TMEM266: variants seen among roughly 807,000 people sequenced by gnomAD.
The protein encoded by TMEM266 is Hv1 related protein 1.
A neutral mutation model predicts 50.5 loss-of-function variants in TMEM266; 33 were observed. That is an observed-to-expected ratio of 0.65 (90% CI 0.50 to 0.87). The LOEUF (loss-of-function observed/expected upper bound fraction) is 0.87, where lower values mean the gene tolerates loss of function less well. Ranked by LOEUF, TMEM266 falls within the 40% of genes least tolerant of loss-of-function variation. The pLI, the probability that TMEM266 is intolerant of heterozygous loss-of-function variation, is 0.00. For synonymous variants in TMEM266, 310 were observed against 292.3 expected, an observed-to-expected ratio of 1.06 and a Z score of -0.62; for missense variants, 655 against 695.1, an observed-to-expected ratio of 0.94 and a Z score of 0.65.
intron 7 of TMEM266, among the ~76,000 whole-genome samples, chr15:76,172,934 T>G (rs1445818894): frequency 1.3e-5 from 2 of 151,500 alleles, no homozygotes; most frequent in Middle Eastern, 3.2e-3. Context: ...ACCCTCACAC[T>G]AATGGATTTT....
chr15:76,152,274 G>C (rs1160573706), intron 3 of TMEM266, among the ~76,000 whole-genome samples: 1 of 152,232 alleles, frequency 6.6e-6, no homozygotes, highest in Non-Finnish European at 1.5e-5. Context: ...AAGGAGACCT[G>C]CACGAACTCA....
intron 1 of TMEM266, among the ~76,000 whole-genome samples, chr15:76,122,002 G>A (rs1202531464): frequency 1.3e-5 from 2 of 152,208 alleles, no homozygotes; most frequent in African/African-American, 4.8e-5. Context: ...ACTGAAGAAT[G>A]AATTGAGAAA....
At chr15:76,085,280 C>T (rs1382114243) in intron 1 of TMEM266, among the ~76,000 whole-genome samples, 2 of 147,360 alleles carry the variant, frequency 1.4e-5, no homozygotes, top group African/African-American at 5.0e-5. Context: ...TTTTTTGAGA[C>T]GGAGTCTTGC....
At chr15:76,194,027 T>A (rs1307781085) in intron 9 of TMEM266, among the ~76,000 whole-genome samples, 1 of 152,200 alleles carries the variant, frequency 6.6e-6, no homozygotes, top group African/African-American at 2.4e-5. Flanking sequence ...TACTGCTTTT[T>A]TTTTTCTGGA....
intron 8 of TMEM266, among the ~76,000 whole-genome samples, chr15:76,190,258 G>A (rs1015761629): frequency 2.0e-5 from 3 of 152,222 alleles, no homozygotes; most frequent in African/African-American, 4.8e-5. Flanking sequence ...TGAGACCAGC[G>A]CATGCTTGGT....
At chr15:76,082,750 C>G (rs938607396) in intron 1 of TMEM266, among the ~76,000 whole-genome samples, 4 of 152,118 alleles carry the variant, frequency 2.6e-5, no homozygotes, top group Non-Finnish European at 5.9e-5. Flanking sequence ...GGGTGGATCA[C>G]TTGAGGTCAG....
At chr15:76,174,701 A>G (rs1200090928) in intron 7 of TMEM266, among the ~76,000 whole-genome samples, 1 of 152,196 alleles carries the variant, frequency 6.6e-6, no homozygotes, top group Non-Finnish European at 1.5e-5. Context: ...CTAGGCAAGC[A>G]CTAAGCTGCT....
rs1596179515 is a variant in TMEM266, at chr15:76,204,552, T to C, written c.*237T>C. ...GGGGAGGGTGGTGCTCGTGGCTGGG[T>C]TTTCTTTTTAACCATTTTTACAAAA... is the stretch of plus-strand genomic sequence containing the variant. On this transcript the variant is annotated 3_prime_UTR_variant, in exon 11 of 11. Transcript: ENST00000388942. 2.5e-6 allele frequency: 1 copy of C among 401,664 alleles called. No homozygotes were observed. Among genetic ancestry groups the C allele is most frequent in the East Asian group, 3.8e-5 (1 of 26,456 alleles). 24.9% of individuals were successfully genotyped at this position (401,664 alleles called of 1,614,324 possible). A position where few individuals can be genotyped will look rare whatever the true frequency, so the allele number is the denominator to read the frequency against.
At chr15:76,203,066 CTG>C (rs1288444713) in intron 10 of TMEM266, among the ~76,000 whole-genome samples, 1 of 152,146 alleles carries the variant, frequency 6.6e-6, no homozygotes, top group African/African-American at 2.4e-5. Flanking sequence ...CCTGCACCCT[CTG>C]TAGGTCAGCC....
At chr15:76,175,939 A>G (rs150549919) in intron 8 of TMEM266, 2 of 312,232 alleles carry the variant, frequency 6.4e-6, no homozygotes, top group African/African-American at 2.2e-5. Flanking sequence ...CAGCTCCCCA[A>G]CCTGAGTCTG....
chr15:76,192,306 A>T, intron 9 of TMEM266, 149 bp downstream of exon 9: 2 of 732,518 alleles, frequency 2.7e-6, no homozygotes, highest in Non-Finnish European at 4.0e-6. Flanking sequence ...ACACGCTCAG[A>T]TCAGTAGCCT....
At chr15:76,136,983 GGTTA>G (rs2037599956) in intron 2 of TMEM266, among the ~76,000 whole-genome samples, 4 of 152,200 alleles carry the variant, frequency 2.6e-5, no homozygotes, top group Admixed American at 2.6e-4. Flanking sequence ...CCACTGGAGT[GGTTA>G]GTTATTGGCA....
intron 3 of TMEM266, among the ~76,000 whole-genome samples, chr15:76,148,474 C>T (rs570107719): frequency 6.6e-6 from 1 of 152,290 alleles, no homozygotes; most frequent in Admixed American, 6.5e-5. Context: ...GAATTGAGGA[C>T]TTCAGGGTGG....
chr15:76,128,459 G>C (rs181063125), intron 1 of TMEM266, among the ~76,000 whole-genome samples: 3 of 152,308 alleles, frequency 2.0e-5, no homozygotes, highest in Admixed American at 2.0e-4. Context: ...TTTGACTAAA[G>C]TCTTAAAAGC....
At position 76,184,947 on chromosome 15, in the gene TMEM266, C is replaced by A. The variant is rs16967957; in HGVS notation, c.769-7021C>A. ...CCTAGGGATGGTCTTTTTTTCCCACCGGGCCCATTTGCCAATGGAAGATTT... is the reference window on the plus strand; with the variant it reads ...CCTAGGGATGGTCTTTTTTTCCCACAGGGCCCATTTGCCAATGGAAGATTT... On this transcript the variant is annotated intron_variant, in intron 8 of 10. Transcript: ENST00000388942. 1.1e-3 allele frequency among the ~76,000 whole-genome samples: 166 copies of A among 152,194 alleles called. 1 individual carries two copies. The highest frequency in any genetic ancestry group is 3.9e-3 in the African/African-American group (160 of 41,520).
intron 1 of TMEM266, among the ~76,000 whole-genome samples, chr15:76,120,892 AAAAC>A (rs1341059475): frequency 2.0e-4 from 30 of 152,182 alleles, no homozygotes; most frequent in African/African-American, 7.0e-4. Flanking sequence ...GAAAAATAGA[AAAAC>A]AGACTCCACT....
intron 1 of TMEM266, among the ~76,000 whole-genome samples, chr15:76,102,169 T>C (rs2037010837): frequency 1.3e-5 from 2 of 152,210 alleles, no homozygotes; most frequent in South Asian, 4.1e-4. Flanking sequence ...TCTTATACTC[T>C]TCCTCACTTA....
intron 8 of TMEM266, among the ~76,000 whole-genome samples, chr15:76,190,234 T>C (rs532251945): frequency 6.6e-6 from 1 of 152,236 alleles, no homozygotes; most frequent in Admixed American, 6.5e-5. Flanking sequence ...AGGAAGCAGC[T>C]GAGAACGCGG....
At chr15:76,077,749 C>T (rs963906297) in intron 1 of TMEM266, among the ~76,000 whole-genome samples, 1 of 152,030 alleles carries the variant, frequency 6.6e-6, no homozygotes, top group Non-Finnish European at 1.5e-5. Context: ...ATGGATTCTC[C>T]CCTACAAGCC....
Sources: allele counts gnomAD v4.1 joint callset (sites outside exome capture counted in the v4.1 genomes callset), GRCh38; gene constraint gnomAD v4.1.1; transcripts MANE v1.5; gene names NCBI Gene and HGNC (gene_info 2026-07-23, HGNC 2026-07-21).